Variants in ABRAXAS2 observed in about 807,000 individuals in gnomAD.
ABRAXAS2 encodes abraxas 2, BRISC complex subunit.
ABRAXAS2 carries 23 observed loss-of-function variants against 49.0 expected under a neutral mutation model. The ratio of observed to expected loss-of-function variants is 0.47; its 90% CI spans 0.34 to 0.66. The LOEUF (loss-of-function observed/expected upper bound fraction) is 0.66. Ranked by LOEUF, ABRAXAS2 falls within the 30% of genes least tolerant of loss-of-function variation. ABRAXAS2 has a pLI of 0.01. For synonymous variants in ABRAXAS2, 168 were observed against 180.2 expected (o/e 0.93, Z 0.54); for missense variants, 443 against 511.9 (o/e 0.87, Z 1.30).
intron 1 of ABRAXAS2, among the ~76,000 whole-genome samples, chr10:124,806,209 G>C (rs548802409): frequency 1.2e-4 from 18 of 151,742 alleles, no homozygotes; most frequent in Non-Finnish European, 2.4e-4. Flanking sequence ...AGGAGGCTGA[G>C]ACAGGAGAAT....
At chr10:124,814,910 G>T (rs1368405249) in intron 2 of ABRAXAS2, 4 of 152,286 alleles carry the variant, frequency 2.6e-5, no homozygotes, top group African/African-American at 9.7e-5. Context: ...CTCCCAAAGT[G>T]CTGGGATTAC....
At chr10:124,829,356 A>G (rs756340492) in intron 6 of ABRAXAS2, 37 bp from the exon 7 acceptor site, 2 of 1,418,352 alleles carry the variant, frequency 1.4e-6, no homozygotes, top group Non-Finnish European at 2.0e-6. Context: ...CGCAGTTATG[A>G]TAACCTTGAG....
rs905618320 is a variant in ABRAXAS2, at chr10:124,826,508, A to G, written c.268-87A>G. On this transcript the variant is annotated intron_variant, in intron 4 of 8. Transcript: ENST00000298492. ...TGGGGCTTTTGCACATAAAGCTACT[A>G]TGAACATTTGTGCATGTGTGTTTGT... is the stretch of plus-strand genomic sequence containing the variant. 9 of 1,332,220 alleles carry G rather than the reference A, an allele frequency of 6.8e-6. No homozygotes were observed. The African/African-American group carries it at 8.7e-5, about 13-fold the overall frequency. The allele number at this position is 1,332,220 out of a possible 1,614,324, so 82.5% of individuals were successfully genotyped here. A position where few individuals can be genotyped will look rare whatever the true frequency, so the allele number is the denominator to read the frequency against.
chr10:124,824,916 T>A (rs1213002969), intron 4 of ABRAXAS2, among the ~76,000 whole-genome samples: 1 of 152,196 alleles, frequency 6.6e-6, no homozygotes, highest in Admixed American at 6.5e-5. Flanking sequence ...ATGTCTAGTG[T>A]AGAATGTGAA....
chr10:124,808,915 G>A (rs991323692), intron 2 of ABRAXAS2, among the ~76,000 whole-genome samples: 3 of 152,170 alleles, frequency 2.0e-5, no homozygotes, highest in African/African-American at 7.2e-5. Context: ...CGGATCGCCC[G>A]AGGTTGGGAG....
In ABRAXAS2 at chr10:124,829,393, T is replaced by G; in HGVS notation, c.579T>G (p.Gly193=). 1 of 1,605,280 alleles carries G rather than the reference T, an allele frequency of 6.2e-7. No homozygotes were observed. Among genetic ancestry groups the G allele is most frequent in the Non-Finnish European group, 8.5e-7 (1 of 1,173,538 alleles). ...QSYAKVIKEH[G]TDFFDKDGVM... ...CATCTTTTTTCTGTTTGTCTTCCAGTACTGACTTTTTTGACAAGGATGGAG... is the reference window on the plus strand; with the variant it reads ...CATCTTTTTTCTGTTTGTCTTCCAGGACTGACTTTTTTGACAAGGATGGAG... Residue 193 remains glycine (G), a splice_region_variant and synonymous_variant, in exon 7 of 9, where the codon GGT becomes GGG. Coordinates refer to ENST00000298492, the MANE Select transcript of ABRAXAS2 (RefSeq NM_032182.4).
chr10:124,803,857 C>T (rs962101725), intron 1 of ABRAXAS2, among the ~76,000 whole-genome samples: 9 of 152,128 alleles, frequency 5.9e-5, no homozygotes, highest in Admixed American at 2.6e-4. Context: ...GTCGAGATCG[C>T]GCCATTGCAC....
At chr10:124,811,323 G>T (rs867634030) in intron 2 of ABRAXAS2, among the ~76,000 whole-genome samples, 1 of 152,152 alleles carries the variant, frequency 6.6e-6, no homozygotes, top group Non-Finnish European at 1.5e-5. Flanking sequence ...GGAAGATGAA[G>T]GTTAAATTGC....
chr10:124,828,941 TA>T, intron 6 of ABRAXAS2, 66 bp downstream of exon 6: 1 of 1,538,602 alleles, frequency 6.5e-7, no homozygotes, highest in Non-Finnish European at 8.9e-7. Flanking sequence ...TAATAACATT[TA>T]AAAGGTGTAT....
intron 1 of ABRAXAS2, among the ~76,000 whole-genome samples, chr10:124,804,861 G>A (rs1202857896): frequency 1.3e-5 from 2 of 151,262 alleles, no homozygotes; most frequent in African/African-American, 2.4e-5. Flanking sequence ...TTACAGGTGC[G>A]CACCACCACA....
chr10:124,809,290 A>G (rs962306805), intron 2 of ABRAXAS2, among the ~76,000 whole-genome samples: 1 of 151,848 alleles, frequency 6.6e-6, no homozygotes, highest in Non-Finnish European at 1.5e-5. Flanking sequence ...TTATTTATTT[A>G]TTTATTCATT....
intron 8 of ABRAXAS2, among the ~76,000 whole-genome samples, chr10:124,832,676 C>T (rs1407991582): frequency 6.6e-6 from 1 of 151,920 alleles, no homozygotes; most frequent in Admixed American, 6.6e-5. Context: ...GATACCTCGT[C>T]TGTACTAAAA....
At chr10:124,824,744 TCTG>T (rs939484808) in intron 4 of ABRAXAS2, among the ~76,000 whole-genome samples, 3 of 152,224 alleles carry the variant, frequency 2.0e-5, no homozygotes, top group Middle Eastern at 3.4e-3. Context: ...ATGCCTGAGG[TCTG>T]CTGAGTAGGT....
chr10:124,806,980 G>A, intron 2 of ABRAXAS2, 59 bp downstream of exon 2: 5 of 1,270,452 alleles, frequency 3.9e-6, no homozygotes, highest in Non-Finnish European at 5.7e-6. Context: ...CTTAATGTTT[G>A]TTTTGTTGTT....
intron 2 of ABRAXAS2, among the ~76,000 whole-genome samples, chr10:124,808,418 C>T (rs763663651): frequency 2.6e-5 from 4 of 152,096 alleles, no homozygotes; most frequent in Non-Finnish European, 5.9e-5. Context: ...CCTCGTGATC[C>T]GCCCACCTCA....
At chr10:124,821,321 C>T (rs917777356) in intron 4 of ABRAXAS2, among the ~76,000 whole-genome samples, 1 of 152,090 alleles carries the variant, frequency 6.6e-6, no homozygotes, top group African/African-American at 2.4e-5. Context: ...AATCCCAGCA[C>T]TTGGGGAGGC....
At chr10:124,810,700 A>C (rs1244630730) in intron 2 of ABRAXAS2, among the ~76,000 whole-genome samples, 1 of 150,168 alleles carries the variant, frequency 6.7e-6, no homozygotes, top group Non-Finnish European at 1.5e-5. Context: ...GTCCTGCTTC[A>C]GCCTCCCGAG....
In ABRAXAS2 at chr10:124,834,720, C is replaced by T. The variant is rs746301887; in HGVS notation, c.997C>T (p.Arg333Ter). 11 of 1,613,970 alleles carry T rather than the reference C, an allele frequency of 6.8e-6. No homozygotes were observed. Among genetic ancestry groups the T allele is most frequent in the Non-Finnish European group, 9.3e-6 (11 of 1,180,016 alleles). ...CATGGAAAGGAGTGTCTTTATGCCT[C>T]GACCTCAAGCTGTGGGCTCTTCCAA... is the stretch of plus-strand genomic sequence containing the variant. ...SRMERSVFMPRPQAVGSSNYA... is the reference protein window; with the variant it reads ...SRMERSVFMP Residue 333 changes from arginine (R) to a stop codon, truncating the protein, a stop_gained, in exon 9 of 9, where the codon CGA becomes TGA. Transcript: ENST00000298492. LOFTEE classifies it high-confidence loss of function.
chr10:124,823,905 G>T (rs879448894), intron 4 of ABRAXAS2, among the ~76,000 whole-genome samples: 2 of 152,086 alleles, frequency 1.3e-5, no homozygotes, highest in East Asian at 1.9e-4. Context: ...AATGACAGGA[G>T]AATCTGTTTT....
Sources: gnomAD v4.1 joint callset for allele counts (sites outside exome capture counted in the v4.1 genomes callset) on GRCh38, gnomAD v4.1.1 for gene constraint, MANE v1.5 for transcripts, NCBI Gene and HGNC (gene_info 2026-07-23, HGNC 2026-07-21) for gene names.